GUCY1A2: variants seen among roughly 807,000 people sequenced by gnomAD.
The protein encoded by GUCY1A2 is guanylate cyclase 1 soluble subunit alpha 2.
GUCY1A2 carries 27 observed loss-of-function variants against 63.5 expected under a neutral mutation model. The observed-to-expected ratio is 0.43, with a 90% CI of 0.31 to 0.59. GUCY1A2 has a LOEUF of 0.59. Ranked by LOEUF, GUCY1A2 falls within the 20% of genes least tolerant of loss-of-function variation. The pLI is 0.11. For missense variants in GUCY1A2, 768 were observed against 913.3 expected (o/e 0.84, Z 2.05); for synonymous variants, 364 against 343.5 (o/e 1.06, Z -0.66).
intron 4 of GUCY1A2, among the ~76,000 whole-genome samples, chr11:106,887,513 T>C (rs1277351689): frequency 2.6e-5 from 4 of 152,214 alleles, no homozygotes; most frequent in Non-Finnish European, 5.9e-5. Flanking sequence ...AGTAACTTCT[T>C]GCACTGTTCG....
rs1009866857 is a variant in GUCY1A2, at chr11:106,944,515, G to A, written c.488-4337C>T. The stretch of plus-strand genomic sequence containing the variant: ...GGGGAGCCATCTTTGGGAGGAGAAA[G>A]AAGATCACAAAAAATAACTGAACGG... On this transcript the variant is annotated intron_variant, in intron 3 of 7. Coordinates refer to ENST00000526355, the MANE Select transcript of GUCY1A2 (RefSeq NM_000855.3). Among the ~76,000 whole-genome samples, 8 of 152,026 alleles carry A rather than the reference G, an allele frequency of 5.3e-5. No individual in the cohort carries two copies. The East Asian group carries it at 1.2e-3, about 22-fold the overall frequency.
intron 4 of GUCY1A2, among the ~76,000 whole-genome samples, chr11:106,916,792 G>A (rs1364692578): frequency 2.8e-5 from 4 of 145,220 alleles, no homozygotes; most frequent in African/African-American, 7.3e-5. Context: ...GAAAACCTGG[G>A]CTGAGTCTGC....
intron 4 of GUCY1A2, among the ~76,000 whole-genome samples, chr11:106,893,020 CA>C (rs1387325761): frequency 1.3e-5 from 2 of 151,598 alleles, no homozygotes; most frequent in African/African-American, 4.8e-5. Context: ...ATAACAACAA[CA>C]AAAAAAAGTT....
intron 4 of GUCY1A2, chr11:106,827,035 G>T (rs1331033493): frequency 1.3e-6 from 2 of 1,588,348 alleles, no homozygotes; most frequent in Non-Finnish European, 8.6e-7. Context: ...TGTAACTGAC[G>T]TATGGTCTCT....
At chr11:106,823,114 CA>C (rs1416520235) in intron 4 of GUCY1A2, among the ~76,000 whole-genome samples, 2 of 151,916 alleles carry the variant, frequency 1.3e-5, no homozygotes, top group Non-Finnish European at 2.9e-5. Context: ...AATGTAGATT[CA>C]GGGGGAACAT....
chr11:106,743,710 T>C (rs1863736767), intron 6 of GUCY1A2, among the ~76,000 whole-genome samples: 1 of 152,230 alleles, frequency 6.6e-6, no homozygotes. Flanking sequence ...TACTAGTTTG[T>C]AAATACACTG....
At chr11:106,897,292 A>G (rs1860063919) in intron 4 of GUCY1A2, among the ~76,000 whole-genome samples, 1 of 152,182 alleles carries the variant, frequency 6.6e-6, no homozygotes, top group Non-Finnish European at 1.5e-5. Context: ...TATAGATTCA[A>G]TGAAATCTCT....
chr11:106,828,034 C>A, intron 4 of GUCY1A2: 1 of 630,192 alleles, frequency 1.6e-6, no homozygotes, highest in Non-Finnish European at 2.9e-6. Flanking sequence ...CCTTTGCCCA[C>A]TTTTAATGTA....
intron 3 of GUCY1A2, among the ~76,000 whole-genome samples, chr11:106,941,425 G>C (rs1350097971): frequency 6.6e-6 from 1 of 152,136 alleles, no homozygotes; most frequent in Admixed American, 6.6e-5. Context: ...AAAGATTTTG[G>C]CCTGCATATT....
chr11:106,910,417 C>T (rs2119862350), intron 4 of GUCY1A2, among the ~76,000 whole-genome samples: 1 of 152,034 alleles, frequency 6.6e-6, no homozygotes, highest in South Asian at 2.1e-4. Context: ...GCTCTAGGAA[C>T]ATTTTTTTGT....
Position 106,824,189 on chromosome 11 carries a change from T to C in GUCY1A2, c.1207-13711A>G, listed in dbSNP as rs1858937726. On this transcript the variant is annotated intron_variant, in intron 4 of 7. Transcript: ENST00000526355. ...CCACACAGAACTCTTTCAGGGTAAA[T>C]GGCTATTAATTTTCAGTTTTATATA... 7 of 1,336,398 alleles carry C rather than the reference T, an allele frequency of 5.2e-6. No individual in the cohort carries two copies. In the East Asian group the frequency reaches 1.7e-4, roughly 32 times the overall value. The allele number at this position is 1,336,398 out of a possible 1,614,324, so 82.8% of individuals were successfully genotyped here.
At chr11:106,824,002 T>A (rs2135432017) in intron 4 of GUCY1A2, 1 of 1,083,726 alleles carries the variant, frequency 9.2e-7, no homozygotes, top group East Asian at 2.7e-5. Flanking sequence ...TTTTATAAAT[T>A]TGTTTTCCGT....
At chr11:106,953,703 T>G (rs1860942955) in intron 3 of GUCY1A2, among the ~76,000 whole-genome samples, 1 of 152,180 alleles carries the variant, frequency 6.6e-6, no homozygotes, top group Non-Finnish European at 1.5e-5. Context: ...TTTTAGAGCT[T>G]GTTATTGGTC....
chr11:106,674,611 C>T lies in GUCY1A2; in HGVS notation c.*12938G>A, dbSNP rs1862315027. 5.4e-6 allele frequency: 1 copy of T among 185,384 alleles called. No individual in the cohort carries two copies. Among genetic ancestry groups the T allele is most frequent in the East Asian group, 8.8e-5 (1 of 11,376 alleles). 11.5% of individuals were successfully genotyped at this position (185,384 alleles called of 1,614,324 possible). ...CAAAATATATGCAATTTAATCATGC[C>T]CTACATATATATTAGTATATTTACC... On this transcript the variant is annotated 3_prime_UTR_variant, in exon 8 of 8. Coordinates refer to ENST00000526355, the MANE Select transcript of GUCY1A2 (RefSeq NM_000855.3).
chr11:106,865,234 G>C (rs902804769), intron 4 of GUCY1A2, among the ~76,000 whole-genome samples: 7 of 152,092 alleles, frequency 4.6e-5, no homozygotes, highest in African/African-American at 1.7e-4. Context: ...TCTGGGATCA[G>C]TAGTGATATC....
intron 3 of GUCY1A2, among the ~76,000 whole-genome samples, chr11:106,977,627 T>C (rs756245985): frequency 3.3e-5 from 5 of 152,190 alleles, no homozygotes; most frequent in Non-Finnish European, 7.4e-5. Context: ...GAAAATCTGA[T>C]AGACCCTTGG....
chr11:107,005,786 A>G (rs939360113), intron 1 of GUCY1A2, among the ~76,000 whole-genome samples: 1 of 152,154 alleles, frequency 6.6e-6, no homozygotes, highest in African/African-American at 2.4e-5. Context: ...GAAAGAGAAC[A>G]TCTTTTATAA....
chr11:106,824,318 G>A, intron 4 of GUCY1A2: 1 of 400,728 alleles, frequency 2.5e-6, no homozygotes, highest in South Asian at 9.9e-5. Flanking sequence ...TTCTGGGTAT[G>A]GAAGAGAGAA....
At chr11:106,820,546 A>C (rs140579192) in intron 4 of GUCY1A2, among the ~76,000 whole-genome samples, 3 of 152,072 alleles carry the variant, frequency 2.0e-5, no homozygotes, top group Non-Finnish European at 4.4e-5. Context: ...CTACAGGTAC[A>C]TGCCATCATG....
Sources: allele counts gnomAD v4.1 joint callset (sites outside exome capture counted in the v4.1 genomes callset), GRCh38; gene constraint gnomAD v4.1.1; transcripts MANE v1.5; gene names NCBI Gene and HGNC (gene_info 2026-07-23, HGNC 2026-07-21).